TRPS1: variants seen among roughly 807,000 people sequenced by gnomAD.
TRPS1 encodes transcriptional repressor GATA binding 1, also known as zinc finger transcription factor Trps1.
TRPS1 carries 6 observed loss-of-function variants against 101.2 expected under a neutral mutation model. That is an observed-to-expected ratio of 0.06 (90% CI 0.03 to 0.12). The LOEUF (loss-of-function observed/expected upper bound fraction) is 0.12, where lower values mean the gene tolerates loss of function less well. Ranked by LOEUF, TRPS1 falls within the 10% of genes least tolerant of loss-of-function variation. The pLI, the probability that TRPS1 is intolerant of heterozygous loss-of-function variation, is 1.00. For synonymous variants in TRPS1, 578 were observed against 589.8 expected (o/e 0.98, Z 0.29); for missense variants, 1,363 against 1,567.0 (o/e 0.87, Z 2.20).
intron 5 of TRPS1, among the ~76,000 whole-genome samples, chr8:115,455,490 T>C (rs943438655): frequency 1.3e-5 from 2 of 152,190 alleles, no homozygotes; most frequent in African/African-American, 2.4e-5. Context: ...GAAGGTCTGA[T>C]AGAAGTCTAA....
At chr8:115,600,645 T>C (rs1318670011) in intron 4 of TRPS1, among the ~76,000 whole-genome samples, 3 of 152,024 alleles carry the variant, frequency 2.0e-5, no homozygotes, top group Non-Finnish European at 4.4e-5. Flanking sequence ...TAGTGCACTC[T>C]TGATGAAAGG....
At chr8:115,514,722 A>G (rs1406499362) in intron 5 of TRPS1, among the ~76,000 whole-genome samples, 1 of 151,624 alleles carries the variant, frequency 6.6e-6, no homozygotes, top group Non-Finnish European at 1.5e-5. Context: ...GAACTATTAC[A>G]TGACGCAATT....
intron 1 of TRPS1, among the ~76,000 whole-genome samples, chr8:115,652,834 T>C (rs887562195): frequency 2.6e-5 from 4 of 152,218 alleles, no homozygotes; most frequent in African/African-American, 9.7e-5. Flanking sequence ...AAGTATAAAA[T>C]AGTTTAAAGA....
intron 4 of TRPS1, among the ~76,000 whole-genome samples, chr8:115,592,945 T>C (rs1416094963): frequency 6.6e-6 from 1 of 152,188 alleles, no homozygotes; most frequent in Admixed American, 6.5e-5. Flanking sequence ...ACTCTTAATA[T>C]ACCTGTATAT....
intron 5 of TRPS1, 104 bp downstream of exon 5, chr8:115,586,897 T>C: frequency 6.3e-7 from 1 of 1,589,132 alleles, no homozygotes; most frequent in Non-Finnish European, 8.5e-7. Flanking sequence ...AGACAGATCA[T>C]TAAGTTTCAC....
At chr8:115,514,046 A>G (rs1160409922) in intron 5 of TRPS1, among the ~76,000 whole-genome samples, 1 of 151,698 alleles carries the variant, frequency 6.6e-6, no homozygotes, top group Admixed American at 6.6e-5. Context: ...TCATTGCATC[A>G]TAGTAGATTA....
intron 3 of TRPS1, among the ~76,000 whole-genome samples, chr8:115,607,227 A>G (rs376509082): frequency 3.9e-5 from 6 of 152,140 alleles, no homozygotes; most frequent in South Asian, 2.1e-4. Flanking sequence ...GCATCCCAAC[A>G]TACTAAAAAG....
At chr8:115,518,272 T>A (rs538492101) in intron 5 of TRPS1, among the ~76,000 whole-genome samples, 1 of 151,946 alleles carries the variant, frequency 6.6e-6, no homozygotes, top group East Asian at 1.9e-4. Flanking sequence ...AAGGAAACTA[T>A]CCTATAACAT....
At chr8:115,524,405 C>T (rs1454102150) in intron 5 of TRPS1, among the ~76,000 whole-genome samples, 2 of 149,572 alleles carry the variant, frequency 1.3e-5, no homozygotes, top group Non-Finnish European at 3.0e-5. Context: ...ACCGCAACCT[C>T]CACATCCCAG....
intron 5 of TRPS1, among the ~76,000 whole-genome samples, chr8:115,549,300 T>C (rs1376906516): frequency 6.6e-6 from 1 of 152,194 alleles, no homozygotes. Flanking sequence ...ACTGTCAATC[T>C]CTTTCATGCA....
At chr8:115,498,320 G>A (rs1815201181) in intron 5 of TRPS1, among the ~76,000 whole-genome samples, 1 of 149,700 alleles carries the variant, frequency 6.7e-6, no homozygotes, top group Non-Finnish European at 1.5e-5. Context: ...CTATGCTGCA[G>A]TGAGCTGAGA....
At chr8:115,455,283 CA>C (rs1258482514) in intron 5 of TRPS1, among the ~76,000 whole-genome samples, 3 of 152,166 alleles carry the variant, frequency 2.0e-5, no homozygotes. Flanking sequence ...ACATTTTGTC[CA>C]GTTTACTTGA....
intron 5 of TRPS1, among the ~76,000 whole-genome samples, chr8:115,546,449 CATA>C (rs1312583103): frequency 6.6e-6 from 1 of 151,946 alleles, no homozygotes; most frequent in Non-Finnish European, 1.5e-5. Context: ...ACAGTGATAG[CATA>C]ATAATATTTG....
At position 115,454,328 on chromosome 8, in the gene TRPS1, T is replaced by C. The variant is rs545945516; in HGVS notation, c.2701-35876A>G. Among the ~76,000 whole-genome samples the C allele has an allele frequency of 3.3e-5, 5 of 152,372 alleles. No homozygotes were observed. The East Asian group carries it at 9.6e-4, about 29-fold the overall frequency. ...ATGTTTTGAATTATCCTACTTGTAC[T>C]ACTGTACTTCCATGCTATGATTGTT... On this transcript the variant is annotated intron_variant, in intron 5 of 6. Coordinates refer to ENST00000395715, the MANE Select transcript of TRPS1 (RefSeq NM_014112.5).
At chr8:115,630,816 T>C (rs1031205332) in intron 1 of TRPS1, among the ~76,000 whole-genome samples, 2 of 152,010 alleles carry the variant, frequency 1.3e-5, no homozygotes, top group African/African-American at 4.8e-5. Flanking sequence ...CATGAACAAG[T>C]TGGGTCTGAA....
At chr8:115,473,548 A>G (rs1814526105) in intron 5 of TRPS1, among the ~76,000 whole-genome samples, 1 of 152,184 alleles carries the variant, frequency 6.6e-6, no homozygotes, top group African/African-American at 2.4e-5. Context: ...AAAAGCAGTT[A>G]TTATTATTTT....
At chr8:115,585,412 AAATG>A (rs1195571997) in intron 5 of TRPS1, among the ~76,000 whole-genome samples, 2 of 152,210 alleles carry the variant, frequency 1.3e-5, no homozygotes, top group African/African-American at 4.8e-5. Context: ...ATATGGTGTC[AAATG>A]AAGATGTCAT....
chr8:115,619,889 T>C lies in TRPS1; in HGVS notation c.209A>G (p.Lys70Arg). ...DQSDAAELNH[K>R]EEHSLHVQDP... ...TTGAACATGCAAGCTATGTTCCTCC[T>C]TATGATTTAGTTCTGCAGCATCACT... Residue 70 changes from lysine to arginine, a missense_variant, in exon 3 of 7, where the codon AAG becomes AGG. Transcript: ENST00000395715. The C allele has an allele frequency of 6.2e-7, 1 of 1,614,218 alleles. No individual in the cohort carries two copies. The highest frequency in any genetic ancestry group is 8.5e-7 in the Non-Finnish European group (1 of 1,180,034).
At chr8:115,517,357 T>C (rs899522136) in intron 5 of TRPS1, among the ~76,000 whole-genome samples, 4 of 151,620 alleles carry the variant, frequency 2.6e-5, no homozygotes, top group African/African-American at 7.2e-5. Context: ...CTCTTAAGAC[T>C]ATATGAAGAA....
Sources: allele counts gnomAD v4.1 joint callset (sites outside exome capture counted in the v4.1 genomes callset), GRCh38; gene constraint gnomAD v4.1.1; transcripts MANE v1.5; gene names NCBI Gene and HGNC (gene_info 2026-07-23, HGNC 2026-07-21).